Variants in CRB1 observed in about 807,000 individuals in gnomAD.
CRB1 encodes crumbs cell polarity complex component 1, also known as protein crumbs homolog 1.
In CRB1, 83 loss-of-function variants were observed where a neutral mutation model predicts 120.0. The ratio of observed to expected loss-of-function variants is 0.69; its 90% CI spans 0.58 to 0.83. The LOEUF is 0.83. Ranked by LOEUF, CRB1 falls within the 40% of genes least tolerant of loss-of-function variation. CRB1 has a pLI of 0.00. For missense variants in CRB1, 1,699 were observed against 1,687.6 expected (o/e 1.01, Z -0.12); for synonymous variants, 625 against 612.5 (o/e 1.02, Z -0.30).
intron 5 of CRB1, among the ~76,000 whole-genome samples, chr1:197,377,039 T>C (rs1011009765): frequency 6.6e-6 from 1 of 152,146 alleles, no homozygotes; most frequent in African/African-American, 2.4e-5. Flanking sequence ...TGATTCCCTC[T>C]TTTAAATCTT....
the CRB1 span, among the ~76,000 whole-genome samples, chr1:197,256,575 C>T: frequency 6.6e-6 from 1 of 151,630 alleles, no homozygotes; most frequent in East Asian, 1.9e-4. Context: ...TTTAAATGCC[C>T]ACTGAGCAGA....
the CRB1 span, among the ~76,000 whole-genome samples, chr1:197,256,212 A>G: frequency 6.6e-6 from 1 of 151,290 alleles, no homozygotes; most frequent in Non-Finnish European, 1.5e-5. Flanking sequence ...GTTCTTAGAG[A>G]AATACTTATT....
At chr1:197,217,434 T>C in the CRB1 span, among the ~76,000 whole-genome samples, 13 of 152,232 alleles carry the variant, frequency 8.5e-5, no homozygotes, top group Non-Finnish European at 1.5e-4. Flanking sequence ...GTCCATCAAC[T>C]GATGAACGGA....
intron 11 of CRB1, among the ~76,000 whole-genome samples, chr1:197,446,598 A>C (rs1451445135): frequency 6.6e-6 from 1 of 152,246 alleles, no homozygotes; most frequent in Non-Finnish European, 1.5e-5. Flanking sequence ...CACTTTAGAA[A>C]GATCACTTGG....
At chr1:197,305,673 G>A (rs891700967) in intron 1 of CRB1, among the ~76,000 whole-genome samples, 5 of 151,852 alleles carry the variant, frequency 3.3e-5, no homozygotes, top group Non-Finnish European at 2.9e-5. Flanking sequence ...GATATTTGCC[G>A]TCACCTCCTT....
intron 5 of CRB1, among the ~76,000 whole-genome samples, chr1:197,419,987 G>GAAAAAAAAAAAAAAAAAAAAAA (rs398053681): frequency 2.1e-5 from 1 of 46,800 alleles, no homozygotes. Context: ...TCTCAAAAAC[G>GAAAAAAAAAAAAAAAAAAAAAA]AAAAAAAAAA....
intron 4 of CRB1, among the ~76,000 whole-genome samples, chr1:197,352,598 C>G (rs1660163095): frequency 6.6e-6 from 1 of 151,508 alleles, no homozygotes; most frequent in South Asian, 2.1e-4. Context: ...GGTAGACATT[C>G]AAGTTTAAGA....
intron 5 of CRB1, among the ~76,000 whole-genome samples, chr1:197,378,977 G>C (rs1156643475): frequency 6.6e-6 from 1 of 152,194 alleles, no homozygotes; most frequent in Non-Finnish European, 1.5e-5. Flanking sequence ...GTTAGTGACA[G>C]AGGCAAAATT....
At chr1:197,216,018 A>C in the CRB1 span, among the ~76,000 whole-genome samples, 1 of 152,196 alleles carries the variant, frequency 6.6e-6, no homozygotes, top group South Asian at 2.1e-4. Flanking sequence ...TAATCATATC[A>C]ACCAGGAGTT....
intron 9 of CRB1, chr1:197,437,876 A>C (rs1482162022): frequency 1.2e-4 from 19 of 154,252 alleles, no homozygotes; most frequent in Admixed American, 1.2e-3. Flanking sequence ...TCACATTACT[A>C]GATTTTGTCT....
chr1:197,222,736 A>G, the CRB1 span: 2 of 885,234 alleles, frequency 2.3e-6, no homozygotes, highest in Non-Finnish European at 3.9e-6. Context: ...CTGAGTAGGA[A>G]CAATGGAGTT....
At chr1:197,429,385 A>G in intron 7 of CRB1, 64 bp from the exon 8 acceptor site, 1 of 1,569,588 alleles carries the variant, frequency 6.4e-7, no homozygotes, top group Non-Finnish European at 8.8e-7. Context: ...ATGTGGTTTC[A>G]CCGTCAACAT....
chr1:197,396,361 T>C (rs1662772218), intron 5 of CRB1, among the ~76,000 whole-genome samples: 1 of 152,162 alleles, frequency 6.6e-6, no homozygotes, highest in African/African-American at 2.4e-5. Context: ...CGTTCACTGA[T>C]TGAAATACTC....
intron 1 of CRB1, among the ~76,000 whole-genome samples, chr1:197,323,356 T>C (rs1658312643): frequency 6.6e-6 from 1 of 152,222 alleles, no homozygotes; most frequent in Non-Finnish European, 1.5e-5. Context: ...ATTGAAATTA[T>C]ATCTGTTCGT....
chr1:197,429,740 T>C, intron 8 of CRB1, 126 bp downstream of exon 8: 2 of 1,016,646 alleles, frequency 2.0e-6, no homozygotes, highest in Middle Eastern at 3.2e-4. Flanking sequence ...TTGTTTCCCC[T>C]ATGCGAGTAG....
chr1:197,240,252 A>G, the CRB1 span, among the ~76,000 whole-genome samples: 2 of 151,936 alleles, frequency 1.3e-5, no homozygotes, highest in Non-Finnish European at 2.9e-5. Flanking sequence ...AAGTTGTGGG[A>G]TACATGTGCA....
At chr1:197,432,412 A>T (rs959416339) in intron 8 of CRB1, among the ~76,000 whole-genome samples, 5 of 151,692 alleles carry the variant, frequency 3.3e-5, no homozygotes, top group African/African-American at 1.2e-4. Flanking sequence ...ACATAGTAAA[A>T]AACAATAAGA....
chr1:197,455,966 A>G (rs1477163014), intron 11 of CRB1, among the ~76,000 whole-genome samples: 3 of 152,076 alleles, frequency 2.0e-5, no homozygotes, highest in Non-Finnish European at 4.4e-5. Flanking sequence ...GCTATTTGCA[A>G]TGAAAGTTAT....
chr1:197,442,454 C>G (rs763620503), intron 11 of CRB1, 162 bp downstream of exon 11: 34 of 1,543,550 alleles, frequency 2.2e-5, no homozygotes, highest in Non-Finnish European at 2.9e-5. Flanking sequence ...AAAAAAAAGC[C>G]ATTGAATTTC....
Sources: allele counts gnomAD v4.1 joint callset (sites outside exome capture counted in the v4.1 genomes callset), GRCh38; gene constraint gnomAD v4.1.1; transcripts MANE v1.5; gene names NCBI Gene and HGNC (gene_info 2026-07-23, HGNC 2026-07-21).